NCKAP5: variants seen among roughly 807,000 people sequenced by gnomAD.
NCKAP5 encodes the protein NCK associated protein 5.
A neutral mutation model predicts 167.0 loss-of-function variants in NCKAP5; 92 were observed. The observed-to-expected ratio is 0.55, with a 90% confidence interval of 0.47 to 0.66. The LOEUF is 0.66. Among genes scored for constraint, NCKAP5 ranks in the 30% least tolerant of loss-of-function variants. The pLI is 0.00. For missense variants in NCKAP5, 2,378 were observed against 2,315.0 expected (o/e 1.03, Z -0.56); for synonymous variants, 891 against 877.4 (o/e 1.02, Z -0.27).
chr2:133,011,120 A>G (rs1449917933), intron 6 of NCKAP5, among the ~76,000 whole-genome samples: 2 of 152,224 alleles, frequency 1.3e-5, no homozygotes, highest in East Asian at 1.9e-4. Context: ...ACAGAATACC[A>G]TGACACTATG....
At chr2:132,731,454 T>G (rs1438047338) in intron 17 of NCKAP5, among the ~76,000 whole-genome samples, 1 of 152,242 alleles carries the variant, frequency 6.6e-6, no homozygotes, top group Non-Finnish European at 1.5e-5. Context: ...GGATAAAACC[T>G]CACAAGTGTA....
At chr2:132,766,932 T>G (rs973031619) in intron 16 of NCKAP5, among the ~76,000 whole-genome samples, 9 of 152,214 alleles carry the variant, frequency 5.9e-5, no homozygotes, top group Non-Finnish European at 1.3e-4. Context: ...CACTGTGGAT[T>G]AGATACTTTA....
intron 3 of NCKAP5, among the ~76,000 whole-genome samples, chr2:133,326,458 C>CAAAAAAAAAAAAAAAAAA (rs34750625): frequency 4.1e-5 from 2 of 48,980 alleles, no homozygotes; most frequent in African/African-American, 1.3e-4. Flanking sequence ...TCAGTCTCAA[C>CAAAAAAAAAAAAAAAAAA]AAAAAAAAAA....
At chr2:132,928,935 A>G (rs1379910042) in intron 8 of NCKAP5, among the ~76,000 whole-genome samples, 1 of 151,922 alleles carries the variant, frequency 6.6e-6, no homozygotes, top group African/African-American at 2.4e-5. Flanking sequence ...AGCCTGGGAA[A>G]TACAGTGAGA....
At chr2:133,061,089 AC>A (rs2079984549) in intron 6 of NCKAP5, among the ~76,000 whole-genome samples, 2 of 151,988 alleles carry the variant, frequency 1.3e-5, no homozygotes, top group Admixed American at 1.3e-4. Flanking sequence ...AACAACAACA[AC>A]AAAAAAACCT....
intron 5 of NCKAP5, among the ~76,000 whole-genome samples, chr2:133,200,440 G>T (rs936547719): frequency 6.6e-6 from 1 of 151,902 alleles, no homozygotes; most frequent in African/African-American, 2.4e-5. Context: ...AATGAGGTTG[G>T]ACCCATTCCT....
At chr2:133,649,968 CA>C in the NCKAP5 span, among the ~76,000 whole-genome samples, 5 of 150,722 alleles carry the variant, frequency 3.3e-5, no homozygotes, top group Non-Finnish European at 1.5e-5. Context: ...AAGACTCCAC[CA>C]AAAAAAATAA....
intron 3 of NCKAP5, among the ~76,000 whole-genome samples, chr2:133,311,699 A>C (rs900923489): frequency 6.6e-6 from 1 of 152,204 alleles, no homozygotes; most frequent in Non-Finnish European, 1.5e-5. Flanking sequence ...TCTGTGCCAG[A>C]TGTTATCACT....
At chr2:133,386,880 T>C (rs1687010836) in intron 3 of NCKAP5, among the ~76,000 whole-genome samples, 1 of 152,182 alleles carries the variant, frequency 6.6e-6, no homozygotes, top group Non-Finnish European at 1.5e-5. Flanking sequence ...CTGCCTTTTT[T>C]TTGTTTTCCT....
intron 6 of NCKAP5, among the ~76,000 whole-genome samples, chr2:133,066,556 C>T (rs2080202548): frequency 6.6e-6 from 1 of 152,126 alleles, no homozygotes; most frequent in African/African-American, 2.4e-5. Flanking sequence ...TCCTTTCCTT[C>T]TCTCTCACAG....
chr2:133,362,650 C>A (rs565256748), intron 3 of NCKAP5, among the ~76,000 whole-genome samples: 2 of 152,270 alleles, frequency 1.3e-5, no homozygotes, highest in East Asian at 3.9e-4. Context: ...CAGGGGCTTC[C>A]TAAGATAAAC....
intron 3 of NCKAP5, among the ~76,000 whole-genome samples, chr2:133,365,363 G>A (rs938334703): frequency 1.3e-5 from 2 of 152,072 alleles, no homozygotes; most frequent in African/African-American, 4.8e-5. Flanking sequence ...GTATCTCTGA[G>A]CCCCATATGA....
intron 3 of NCKAP5, among the ~76,000 whole-genome samples, chr2:133,498,433 CGGAAGGAAGGAAGGAAGGAAGGAA>C (rs749222948): frequency 3.0e-5 from 3 of 100,352 alleles, no homozygotes; most frequent in Admixed American, 1.1e-4. Flanking sequence ...ATGAGAAAAA[CGGAAGGAAGGAAGGAAGGAAGGAA>C]GGAAGGAAGG....
intron 3 of NCKAP5, among the ~76,000 whole-genome samples, chr2:133,329,139 T>A (rs993705869): frequency 1.3e-5 from 2 of 152,180 alleles, no homozygotes; most frequent in South Asian, 4.1e-4. Flanking sequence ...TGAAGAGGCA[T>A]GAGAGTGGTA....
intron 11 of NCKAP5, among the ~76,000 whole-genome samples, chr2:132,844,207 G>A (rs1688502406): frequency 1.3e-5 from 2 of 152,050 alleles, no homozygotes; most frequent in Non-Finnish European, 2.9e-5. Flanking sequence ...TCACATGTAT[G>A]CATATATTTT....
rs551549172 is a variant in NCKAP5 at position 133,427,639 on chromosome 2, G to A, written c.69+89819C>T. On this transcript the variant is annotated intron_variant, in intron 3 of 19. Transcript: ENST00000409261. ...AAATTAAATAGAAACATTTTAAATA[G>A]AATGTTAGCAAATTGTATTCAGCCT... Among the ~76,000 whole-genome samples the A allele has an allele frequency of 2.6e-5, 4 of 152,178 alleles. No homozygotes were observed. In the South Asian group the frequency reaches 8.3e-4, roughly 32 times the overall value.
intron 4 of NCKAP5, among the ~76,000 whole-genome samples, chr2:133,256,173 A>G (rs943064222): frequency 3.3e-5 from 5 of 152,192 alleles, no homozygotes; most frequent in Admixed American, 6.5e-5. Context: ...GTACTAATCT[A>G]ACACTAATAT....
chr2:133,397,915 T>C (rs190262650), intron 3 of NCKAP5, among the ~76,000 whole-genome samples: 1 of 152,300 alleles, frequency 6.6e-6, no homozygotes, highest in East Asian at 1.9e-4. Context: ...ACTCTGTGCA[T>C]TTTCTGACTT....
At chr2:133,608,139 A>G in the NCKAP5 span, among the ~76,000 whole-genome samples, 1 of 152,226 alleles carries the variant, frequency 6.6e-6, no homozygotes, top group Non-Finnish European at 1.5e-5. Flanking sequence ...ACTCTTAAAA[A>G]TATGGCTTTT....
Sources: gnomAD v4.1 joint callset for allele counts (sites outside exome capture counted in the v4.1 genomes callset) on GRCh38, gnomAD v4.1.1 for gene constraint, MANE v1.5 for transcripts, NCBI Gene and HGNC (gene_info 2026-07-23, HGNC 2026-07-21) for gene names.